Variants in SLC10A2 observed in about 807,000 individuals in gnomAD.
SLC10A2 encodes the protein ileal sodium/bile acid cotransporter.
SLC10A2 carries 34 observed loss-of-function variants against 27.1 expected under a neutral mutation model. That is an observed-to-expected ratio of 1.26 (90% CI 0.96 to 1.67). The LOEUF (loss-of-function observed/expected upper bound fraction) is 1.67, where lower values mean the gene tolerates loss of function less well. Among genes scored for constraint, SLC10A2 ranks in the 40% most tolerant of loss-of-function variants. SLC10A2 has a pLI of 0.00. For missense variants in SLC10A2, 530 were observed against 444.4 expected, an observed-to-expected ratio of 1.19 and a Z score of -1.73; for synonymous variants, 205 against 174.0, an observed-to-expected ratio of 1.18 and a Z score of -1.40.
intron 1 of SLC10A2, among the ~76,000 whole-genome samples, chr13:103,064,465 G>T (rs1009028056): frequency 2.0e-5 from 3 of 152,042 alleles, no homozygotes; most frequent in African/African-American, 7.3e-5. Context: ...CTTATAAAAG[G>T]GTTCCATATG....
chr13:103,052,298 G>A (rs1425051639), intron 3 of SLC10A2, among the ~76,000 whole-genome samples: 2 of 152,110 alleles, frequency 1.3e-5, no homozygotes, highest in East Asian at 3.9e-4. Context: ...TAAAGAATGG[G>A]TAGAAATTTT....
At chr13:103,050,297 C>T (rs1462537723) in intron 4 of SLC10A2, among the ~76,000 whole-genome samples, 2 of 152,200 alleles carry the variant, frequency 1.3e-5, no homozygotes, top group African/African-American at 4.8e-5. Flanking sequence ...GATTGGAAGG[C>T]AAGCCCAGGT....
chr13:103,066,029 C>T lies in SLC10A2; in HGVS notation c.221G>A (p.Cys74Tyr), dbSNP rs1595444157. ...RPWGICVGFL[C>Y]QFGIMPLTGF... ...TGTGAGGGGCATGATTCCAAACTGA[C>T]AGAGGAAGCCAACACAAATGCCCCA... Residue 74 changes from cysteine (C) to tyrosine (Y), a missense_variant, in exon 1 of 6, where the codon TGT becomes TAT. Physicochemically the swap from Cys to Tyr is radical, Grantham distance 194. Coordinates refer to ENST00000245312, the MANE Select transcript of SLC10A2 (RefSeq NM_000452.3). 1 of 1,614,180 alleles carries T rather than the reference C, an allele frequency of 6.2e-7. No individual in the cohort carries two copies. The highest frequency in any genetic ancestry group is 2.2e-5 in the East Asian group (1 of 44,882).
intron 2 of SLC10A2, 90 bp downstream of exon 2, chr13:103,058,174 G>A (rs1176955071): frequency 1.1e-5 from 9 of 830,606 alleles, no homozygotes; most frequent in Admixed American, 8.5e-5. Context: ...GGCAATAACG[G>A]TCAGGTGTGA....
At chr13:103,055,069 T>A (rs1417833651) in intron 2 of SLC10A2, among the ~76,000 whole-genome samples, 1 of 152,174 alleles carries the variant, frequency 6.6e-6, no homozygotes, top group African/African-American at 2.4e-5. Flanking sequence ...GTGGTGGGAC[T>A]GGGAGCCAGA....
At chr13:103,053,378 T>C (rs1273455250) in intron 2 of SLC10A2, among the ~76,000 whole-genome samples, 3 of 152,200 alleles carry the variant, frequency 2.0e-5, no homozygotes, top group Non-Finnish European at 4.4e-5. Flanking sequence ...AACTCTCATG[T>C]AATTATAGTT....
At position 103,066,131 on chromosome 13, in the gene SLC10A2, A is replaced by G; in HGVS notation, c.119T>C (p.Ile40Thr). 2 of 1,614,082 alleles carry G rather than the reference A, an allele frequency of 1.2e-6. No individual in the cohort carries two copies. Among genetic ancestry groups the G allele is most frequent in the East Asian group, 2.2e-5 (1 of 44,886 alleles). ...LSVVLSTVLT[I>T]LLALVMFSMG... ...GGAGAACATCACCAAGGCCAACAGGATGGTCAGCACCGTACTTAGGACCAC... is the reference window on the plus strand; with the variant it reads ...GGAGAACATCACCAAGGCCAACAGGGTGGTCAGCACCGTACTTAGGACCAC... Residue 40 changes from isoleucine (I) to threonine (T), a missense_variant, in exon 1 of 6, where the codon ATC becomes ACC. Transcript: ENST00000245312.
intron 2 of SLC10A2, among the ~76,000 whole-genome samples, chr13:103,055,331 T>TACCAGGAGGCAGAC (rs1875908724): frequency 6.6e-6 from 1 of 152,192 alleles, no homozygotes; most frequent in South Asian, 2.1e-4. Flanking sequence ...AGCTGCATGG[T>TACCAGGAGGCAGAC]CTGCCTCCTC....
At chr13:103,060,747 T>G (rs187655969) in intron 1 of SLC10A2, among the ~76,000 whole-genome samples, 1 of 152,140 alleles carries the variant, frequency 6.6e-6, no homozygotes, top group Admixed American at 6.6e-5. Flanking sequence ...TCGGGAAACT[T>G]AGAGAAATGA....
At position 103,050,085 on chromosome 13, in the gene SLC10A2, G is replaced by C. The variant is rs181431723; in HGVS notation, c.762-639C>G. Among the ~76,000 whole-genome samples, 257 of 152,284 alleles carry C rather than the reference G, an allele frequency of 1.7e-3. 3 individuals carry two copies. Among genetic ancestry groups the C allele is most frequent in the Non-Finnish European group, 1.2e-3 (83 of 68,022 alleles). On this transcript the variant is annotated intron_variant, in intron 4 of 5. Coordinates refer to ENST00000245312, the MANE Select transcript of SLC10A2 (RefSeq NM_000452.3). ...AGGCAGGAGGATCACTTGAGCCAAG[G>C]CTTCAGTGAGCTATGATTGTGCCAC...
Position 103,052,694 on chromosome 13 carries a change from A to C in SLC10A2, c.511T>G (p.Ser171Ala), listed in dbSNP as rs188096. Reference protein sequence around the residue: ...PYDNIGTSLVSLVVPVSIGMF... With the variant: ...PYDNIGTSLVALVVPVSIGMF... ...CCAATGGAAACAGGAACAACGAGAG[A>C]AACCAGAGATGTACCTAAAGATGAC... The change falls in exon 3 of 6, where the codon TCT (serine) becomes GCT (alanine). Residue 171 changes from serine (S) to alanine (A), a missense_variant. Transcript: ENST00000245312. 1,399,027 of 1,603,298 alleles carry C rather than the reference A, an allele frequency of 0.87. 612,123 individuals are homozygous for C. The highest frequency in any genetic ancestry group is 0.93 in the African/African-American group (69,600 of 74,736).
chr13:103,052,862 G>GCA (rs1279345691), intron 2 of SLC10A2, among the ~76,000 whole-genome samples, 154 bp from the exon 3 acceptor site: 1 of 151,642 alleles, frequency 6.6e-6, no homozygotes, highest in Non-Finnish European at 1.5e-5. Flanking sequence ...ACACACACAT[G>GCA]CACACACACA....
chr13:103,051,861 G>T (rs1039211979), intron 3 of SLC10A2, among the ~76,000 whole-genome samples: 2 of 152,106 alleles, frequency 1.3e-5, no homozygotes, highest in African/African-American at 4.8e-5. Context: ...TTCCCTTTAT[G>T]ATTGTTACGA....
At position 103,051,257 on chromosome 13, in the gene SLC10A2, C is replaced by T. The variant is rs1176111634; in HGVS notation, c.761G>A (p.Arg254Lys). Residue 254 changes from arginine (R) to lysine (K), a missense_variant and splice_region_variant, in exon 4 of 6, where the codon AGG (arginine) becomes AAG (lysine). Transcript: ENST00000245312. The stretch of plus-strand genomic sequence containing the variant: ...CAATGTGATTTACTAAATGCCATAC[C>T]TGTACCAGGGTAGACCAGCAATTCT... Reference protein sequence around the residue: ...LARIAGLPWYRCRTVAFETGM... With the variant: ...LARIAGLPWYKCRTVAFETGM... 6.2e-7 allele frequency: 1 copy of T among 1,613,718 alleles called. No individual in the cohort carries two copies. The highest frequency in any genetic ancestry group is 8.5e-7 in the Non-Finnish European group (1 of 1,179,898).
At chr13:103,046,337 C>T (rs1468916768) in intron 5 of SLC10A2, 77 bp from the exon 6 acceptor site, 2 of 1,215,530 alleles carry the variant, frequency 1.6e-6, no homozygotes, top group African/African-American at 3.0e-5. Context: ...GAGATTATAA[C>T]CTATGATTCA....
chr13:103,062,834 G>A (rs1874226105), intron 1 of SLC10A2, among the ~76,000 whole-genome samples: 2 of 152,192 alleles, frequency 1.3e-5, no homozygotes, highest in Admixed American at 6.5e-5. Context: ...ACTGGGAGAA[G>A]GATGCATAAG....
In SLC10A2 at chr13:103,051,255, A is replaced by C. The variant is rs964365699; in HGVS notation, c.761+2T>G. On this transcript the variant is annotated splice_donor_variant, in intron 4 of 5. Transcript: ENST00000245312. LOFTEE classifies it high-confidence loss of function. ...CCCAATGTGATTTACTAAATGCCAT[A>C]CCTGTACCAGGGTAGACCAGCAATT... 1 of 1,613,808 alleles carries C rather than the reference A, an allele frequency of 6.2e-7. No individual in the cohort carries two copies. Among genetic ancestry groups the C allele is most frequent in the Non-Finnish European group, 8.5e-7 (1 of 1,179,842 alleles).
In SLC10A2 at chr13:103,060,403, T is replaced by A. The variant is rs919697807; in HGVS notation, c.378-2021A>T. On this transcript the variant is annotated intron_variant, in intron 1 of 5. Transcript: ENST00000245312. ...ACCATTTTTTTTTTTTTTTTTTTTT[T>A]AAATAGGGTCTCTCTCTGTCACCCA... Among the ~76,000 whole-genome samples the A allele has an allele frequency of 4.4e-5, 5 of 114,484 alleles. No individual in the cohort carries two copies. The East Asian group carries it at 7.8e-4, about 18-fold the overall frequency. The allele number at this position is 114,484 out of a possible 152,430, so 75.1% of individuals were successfully genotyped here.
At position 103,065,928 on chromosome 13, in the gene SLC10A2, C is replaced by T. The variant is rs201963120; in HGVS notation, c.322G>A (p.Gly108Arg). The T allele has an allele frequency of 4.3e-5, 70 of 1,614,050 alleles. No individual in the cohort carries two copies. Among genetic ancestry groups the T allele is most frequent in the Non-Finnish European group, 5.4e-5 (64 of 1,180,024 alleles). ...GCCAAGATATTGGAGGCAGTTCCTC[C>T]AGGGCAGCATCCTATAATGAGCACC... The part of the protein sequence containing the change: ...VVVLIIGCCP[G>R]GTASNILAYW... The change falls in exon 1 of 6, where the codon GGA (glycine) becomes AGA (arginine). Residue 108 changes from glycine to arginine, a missense_variant. Coordinates refer to ENST00000245312, the MANE Select transcript of SLC10A2 (RefSeq NM_000452.3).
Sources: gnomAD v4.1 joint callset for allele counts (sites outside exome capture counted in the v4.1 genomes callset) on GRCh38, gnomAD v4.1.1 for gene constraint, MANE v1.5 for transcripts, NCBI Gene and HGNC (gene_info 2026-07-23, HGNC 2026-07-21) for gene names.